TMEM276: variants seen among roughly 807,000 people sequenced by gnomAD.
TMEM276 encodes the protein transmembrane protein 276.
chr8:144,464,537 T>C, the TMEM276 span: 28 of 1,612,034 alleles, frequency 1.7e-5, no homozygotes, highest in Non-Finnish European at 2.4e-5. Flanking sequence ...TCTTCGTGTG[T>C]GCTCAGCCCT....
At chr8:144,464,590 C>T in the TMEM276 span, 8 of 1,608,828 alleles carry the variant, frequency 5.0e-6, no homozygotes, top group Non-Finnish European at 6.8e-6. Flanking sequence ...GAGCAGGAAG[C>T]CAGCAGCAGC....
At chr8:144,465,492 G>A in the TMEM276 span, 21 of 968,032 alleles carry the variant, frequency 2.2e-5, no homozygotes, top group Non-Finnish European at 2.6e-5. Flanking sequence ...ACCAGCGAGA[G>A]GAGCGGAGGC....
chr8:144,464,996 C>G, the TMEM276 span: 1 of 1,549,166 alleles, frequency 6.5e-7, no homozygotes, highest in Non-Finnish European at 8.7e-7. Flanking sequence ...TGGAGCCCTA[C>G]GCGCGGCACT....
the TMEM276 span, chr8:144,466,819 C>A: frequency 6.5e-7 from 1 of 1,537,302 alleles, no homozygotes; most frequent in Non-Finnish European, 8.7e-7. Context: ...AGCTGTGGAC[C>A]GAGCTGACCG....
the TMEM276 span, chr8:144,464,324 G>A: frequency 7.4e-6 from 12 of 1,612,798 alleles, no homozygotes; most frequent in Middle Eastern, 3.3e-4. Context: ...GCTACAATGA[G>A]GATGGTCACT....
At chr8:144,464,282 CCCA>C in the TMEM276 span, 8 of 1,613,192 alleles carry the variant, frequency 5.0e-6, no homozygotes, top group Admixed American at 1.3e-4. Context: ...ATCGCCCCCC[CCCA>C]CATCCCATAA....
At chr8:144,463,945 T>C in the TMEM276 span, 2 of 1,476,108 alleles carry the variant, frequency 1.4e-6, no homozygotes, top group East Asian at 2.3e-5. Flanking sequence ...CATTCTGGTC[T>C]AGACAAGTCC....
chr8:144,464,917 A>G, the TMEM276 span: 1 of 1,610,156 alleles, frequency 6.2e-7, no homozygotes, highest in Non-Finnish European at 8.5e-7. Flanking sequence ...CTCAGGCGGC[A>G]GTATGTACGA....
the TMEM276 span, chr8:144,464,476 G>A: frequency 6.2e-7 from 1 of 1,612,358 alleles, no homozygotes; most frequent in Non-Finnish European, 8.5e-7. Context: ...GAAATCGAAG[G>A]CCAGAAGGGG....
At chr8:144,466,482 C>A in the TMEM276 span, 2 of 1,332,692 alleles carry the variant, frequency 1.5e-6, no homozygotes, top group African/African-American at 1.5e-5. Context: ...GGGATGGTGG[C>A]GCCGCGGCGG....
the TMEM276 span, chr8:144,465,472 G>C: frequency 2.0e-6 from 2 of 992,390 alleles, no homozygotes; most frequent in Non-Finnish European, 2.4e-6. Flanking sequence ...GAGCGCGGTC[G>C]GGAACCTCCA....
the TMEM276 span, chr8:144,464,007 T>C: frequency 6.6e-7 from 1 of 1,520,980 alleles, no homozygotes; most frequent in Non-Finnish European, 8.8e-7. Context: ...CCAGTCAATG[T>C]GCAGCAAACC....
At chr8:144,466,822 G>C in the TMEM276 span, 1 of 1,537,528 alleles carries the variant, frequency 6.5e-7, no homozygotes, top group Non-Finnish European at 8.7e-7. Flanking sequence ...TGTGGACCGA[G>C]CTGACCGGCC....
the TMEM276 span, chr8:144,464,284 C>A: frequency 8.9e-5 from 144 of 1,613,294 alleles, no homozygotes; most frequent in South Asian, 6.8e-4. Context: ...CGCCCCCCCC[C>A]ACATCCCATA....
the TMEM276 span, chr8:144,466,503 C>G: frequency 7.7e-7 from 1 of 1,301,076 alleles, no homozygotes; most frequent in South Asian, 2.0e-5. Flanking sequence ...CCGCGGAGCC[C>G]GGGGACCCCG....
At chr8:144,464,760 G>A in the TMEM276 span, 5 of 1,607,786 alleles carry the variant, frequency 3.1e-6, no homozygotes, top group African/African-American at 1.3e-5. Flanking sequence ...AGGTCCTTGG[G>A]GTTTGGGAGG....
chr8:144,465,134 G>C, the TMEM276 span: 1 of 1,454,868 alleles, frequency 6.9e-7, no homozygotes, highest in African/African-American at 1.4e-5. Context: ...CGGGAAACGG[G>C]GGAAAACGAC....
the TMEM276 span, chr8:144,466,828 C>T: frequency 1.3e-6 from 2 of 1,536,706 alleles, no homozygotes; most frequent in Admixed American, 1.9e-5. Context: ...CCGAGCTGAC[C>T]GGCCTGGCCG....
chr8:144,465,574 G>C, the TMEM276 span: 3 of 203,738 alleles, frequency 1.5e-5, no homozygotes, highest in Non-Finnish European at 2.6e-5. Flanking sequence ...TCGAGACCTG[G>C]GGGGGGCCGG....
Sources: allele counts gnomAD v4.1 joint callset, GRCh38; gene constraint gnomAD v4.1.1; transcripts MANE v1.5; gene names NCBI Gene and HGNC (gene_info 2026-07-23, HGNC 2026-07-21).